The following SMG6 variants were observed in gnomAD, a reference collection of about 807,000 sequenced individuals.
SMG6 encodes SMG6 nonsense mediated mRNA decay factor, also known as telomerase-binding protein EST1A.
A neutral mutation model predicts 142.2 loss-of-function variants in SMG6; 66 were observed. The observed-to-expected ratio is 0.46, with a 90% CI of 0.38 to 0.57. SMG6 has a LOEUF of 0.57. Ranked by LOEUF, SMG6 falls within the 20% of genes least tolerant of loss-of-function variation. The pLI, the probability that SMG6 is intolerant of heterozygous loss-of-function variation, is 0.00. For missense variants in SMG6, 1,793 were observed against 1,832.0 expected, an observed-to-expected ratio of 0.98 and a Z score of 0.39; for synonymous variants, 779 against 702.4, an observed-to-expected ratio of 1.11 and a Z score of -1.72.
At chr17:2,229,954 G>A (rs955930798) in intron 10 of SMG6, among the ~76,000 whole-genome samples, 1 of 151,974 alleles carries the variant, frequency 6.6e-6, no homozygotes, top group East Asian at 1.9e-4. Flanking sequence ...GGGAGGCTGA[G>A]GTGGGCGGAT....
In SMG6 at chr17:2,085,053, T is replaced by C. The variant is rs996177135; in HGVS notation, c.3534+672A>G. Among the ~76,000 whole-genome samples the C allele has an allele frequency of 1.3e-5, 2 of 151,782 alleles. No homozygotes were observed. Among genetic ancestry groups the C allele is most frequent in the Admixed American group, 6.6e-5 (1 of 15,256 alleles). ...GAAAGACACAAATAGGCAATGGCAA[T>C]ATATAGGGCAGGGCAACTGCCAGTG... is the stretch of plus-strand genomic sequence containing the variant. On this transcript the variant is annotated intron_variant, in intron 14 of 18. Coordinates refer to ENST00000263073, the MANE Select transcript of SMG6 (RefSeq NM_017575.5). The surrounding 1 kb of genome is among the most constrained non-coding windows in gnomAD (Gnocchi z 4.1).
rs1156680200 is a variant in SMG6, at chr17:2,085,505, A to AAAAG, written c.3534+216_3534+219dup. Reference sequence around the variant, plus strand: ...CCTCCCTTCTCCTCAATGCAGCATTAAAAGAAGCATCTGGAACTCGTAGTG... The same window carrying AAAAG: ...CCTCCCTTCTCCTCAATGCAGCATTAAAAGAAAGAAGCATCTGGAACTCGTAGTG... On this transcript the variant is annotated intron_variant, in intron 14 of 18. Transcript: ENST00000263073. This position sits in a 1 kb window ranked among gnomAD's most constrained non-coding sequence, Gnocchi z 4.1. Among the ~76,000 whole-genome samples the AAAAG allele has an allele frequency of 6.6e-6, 1 of 152,204 alleles. No individual in the cohort carries two copies. The highest frequency in any genetic ancestry group is 1.5e-5 in the Non-Finnish European group (1 of 68,022).
At chr17:2,224,038 C>T (rs140150193) in intron 10 of SMG6, among the ~76,000 whole-genome samples, 5 of 152,238 alleles carry the variant, frequency 3.3e-5, no homozygotes, top group African/African-American at 1.2e-4. Flanking sequence ...CCCAATCAAA[C>T]AGCTCATTAT....
chr17:2,069,774 T>A (rs1189537865), intron 15 of SMG6, among the ~76,000 whole-genome samples: 6 of 152,204 alleles, frequency 3.9e-5, no homozygotes. Context: ...CCCAGGTCGA[T>A]CACAATGGCC....
chr17:2,217,803 G>A (rs1199996752), intron 10 of SMG6, among the ~76,000 whole-genome samples: 1 of 152,054 alleles, frequency 6.6e-6, no homozygotes, highest in Non-Finnish European at 1.5e-5. Context: ...AAGGTCAGGA[G>A]ATCGAGACGA....
At chr17:2,277,836 A>C (rs2151372890) in intron 8 of SMG6, among the ~76,000 whole-genome samples, 2 of 152,210 alleles carry the variant, frequency 1.3e-5, no homozygotes, top group Admixed American at 1.3e-4. Context: ...CTTGAGCCTA[A>C]AAGTTTGAGA....
intron 13 of SMG6, among the ~76,000 whole-genome samples, chr17:2,148,606 C>T (rs2070737619): frequency 6.6e-6 from 1 of 152,168 alleles, no homozygotes; most frequent in Non-Finnish European, 1.5e-5. Flanking sequence ...TACTTGTAAT[C>T]CCAACACTTT....
At chr17:2,184,372 A>C (rs1227433116) in intron 12 of SMG6, among the ~76,000 whole-genome samples, 2 of 151,050 alleles carry the variant, frequency 1.3e-5, no homozygotes, top group Admixed American at 6.6e-5. Context: ...GGAAAAAAAA[A>C]AAGGGCCAGA....
At chr17:2,149,262 AT>A (rs1394062263) in intron 13 of SMG6, among the ~76,000 whole-genome samples, 2 of 147,754 alleles carry the variant, frequency 1.4e-5, no homozygotes, top group Non-Finnish European at 3.0e-5. Context: ...AAGCAGGAGA[AT>A]CACTTGAACC....
chr17:2,243,670 GCT>G (rs1249763295), intron 9 of SMG6, among the ~76,000 whole-genome samples: 1 of 152,100 alleles, frequency 6.6e-6, no homozygotes, highest in Non-Finnish European at 1.5e-5. Flanking sequence ...AGAGAGCAAG[GCT>G]CTGTCTCAAA....
intron 13 of SMG6, among the ~76,000 whole-genome samples, chr17:2,162,601 G>A (rs2071216908): frequency 6.6e-6 from 1 of 151,640 alleles, no homozygotes; most frequent in South Asian, 2.1e-4. Context: ...AAGCTGAGGC[G>A]GGAATACTGC....
chr17:2,241,206 T>C (rs1277749255), intron 9 of SMG6, among the ~76,000 whole-genome samples: 1 of 152,186 alleles, frequency 6.6e-6, no homozygotes, highest in Non-Finnish European at 1.5e-5. Flanking sequence ...ATATGTTATA[T>C]GCAGGAATAA....
At chr17:2,184,960 C>CAAA (rs58230459) in intron 12 of SMG6, among the ~76,000 whole-genome samples, 3,354 of 22,458 alleles carry the variant, frequency 0.15, 1,326 homozygotes, top group Middle Eastern at 0.27. Context: ...GACTCCATCT[C>CAAA]AAAAAAAAAA....
intron 10 of SMG6, among the ~76,000 whole-genome samples, chr17:2,217,304 A>G (rs1165900814): frequency 1.3e-5 from 2 of 152,100 alleles, no homozygotes; most frequent in Non-Finnish European, 2.9e-5. Flanking sequence ...AAGAAAATTT[A>G]AAACATGTTT....
chr17:2,261,673 TG>T (rs1472893922), intron 8 of SMG6, among the ~76,000 whole-genome samples: 1 of 152,178 alleles, frequency 6.6e-6, no homozygotes, highest in Admixed American at 6.5e-5. Flanking sequence ...GATGTGTTGA[TG>T]GTGTATGCTA....
chr17:2,179,998 T>G (rs1024505573), intron 12 of SMG6, among the ~76,000 whole-genome samples: 1 of 152,106 alleles, frequency 6.6e-6, no homozygotes, highest in Admixed American at 6.5e-5. Context: ...GAACTAGAAA[T>G]CAGGATAAGT....
intron 9 of SMG6, among the ~76,000 whole-genome samples, chr17:2,238,552 C>G (rs551004299): frequency 6.6e-6 from 1 of 152,296 alleles, no homozygotes; most frequent in East Asian, 1.9e-4. Context: ...CTTCTCGTTA[C>G]GAGAATAGCA....
At chr17:2,065,871 C>T (rs1485835347) in intron 16 of SMG6, 192 bp from the exon 17 acceptor site, 1 of 599,144 alleles carries the variant, frequency 1.7e-6, no homozygotes, top group African/African-American at 1.9e-5. Flanking sequence ...TCACAGGGCT[C>T]TACTCCCTTT....
At position 2,293,506 on chromosome 17, in the gene SMG6, G is replaced by A. The variant is rs566249869; in HGVS notation, c.2152-529C>T. The stretch of plus-strand genomic sequence containing the variant: ...AATTTCTGAGACAGCGTCTCACTCT[G>A]TTGCCCAGGCTGGAGTGTAGTGGCG... On this transcript the variant is annotated intron_variant, in intron 4 of 18. Coordinates refer to ENST00000263073, the MANE Select transcript of SMG6 (RefSeq NM_017575.5). 2.6e-5 allele frequency among the ~76,000 whole-genome samples: 4 copies of A among 152,106 alleles called. No homozygotes were observed. In the South Asian group the frequency reaches 8.3e-4, roughly 32 times the overall value.
Sources: gnomAD v4.1 joint callset for allele counts (sites outside exome capture counted in the v4.1 genomes callset) on GRCh38, gnomAD v4.1.1 for gene constraint, Gnocchi (gnomAD v3.1) non-coding constraint, MANE v1.5 for transcripts, NCBI Gene and HGNC (gene_info 2026-07-23, HGNC 2026-07-21) for gene names.